Variants in NDUFS4 observed in about 807,000 individuals in gnomAD.
The protein encoded by NDUFS4 is NADH dehydrogenase [ubiquinone] iron-sulfur protein 4, mitochondrial.
Under a neutral mutation model 24.3 loss-of-function variants are expected in NDUFS4, and 28 were observed. That is an observed-to-expected ratio of 1.15 (90% CI 0.85 to 1.58). NDUFS4 has a LOEUF of 1.58. Among genes scored for constraint, NDUFS4 ranks in the 40% most tolerant of loss-of-function variants. The pLI, the probability that NDUFS4 is intolerant of heterozygous loss-of-function variation, is 0.00. For synonymous variants in NDUFS4, 93 were observed against 69.7 expected (o/e 1.34, Z -1.67); for missense variants, 223 against 207.9 (o/e 1.07, Z -0.45).
chr5:53,675,642 C>A (rs1357798043), intron 4 of NDUFS4, among the ~76,000 whole-genome samples: 1 of 152,108 alleles, frequency 6.6e-6, no homozygotes, highest in Non-Finnish European at 1.5e-5. Flanking sequence ...TGATGAAATA[C>A]CAAAGAGCTG....
intron 1 of NDUFS4, among the ~76,000 whole-genome samples, chr5:53,596,347 C>T (rs924648948): frequency 1.5e-4 from 23 of 151,862 alleles, no homozygotes; most frequent in Non-Finnish European, 8.8e-5. Context: ...GTGGGAGGAT[C>T]GCTTGAGCCA....
At chr5:53,664,250 T>G (rs1167435784) in intron 4 of NDUFS4, among the ~76,000 whole-genome samples, 1 of 152,196 alleles carries the variant, frequency 6.6e-6, no homozygotes, top group Non-Finnish European at 1.5e-5. Flanking sequence ...CTTTCTCTCT[T>G]GCTGCCGTTA....
intron 2 of NDUFS4, among the ~76,000 whole-genome samples, chr5:53,606,795 A>G (rs1750526073): frequency 6.6e-6 from 1 of 152,256 alleles, no homozygotes; most frequent in South Asian, 2.1e-4. Context: ...ATTGAGGATT[A>G]CATTTCAACA....
At chr5:53,570,654 C>T (rs1036408701) in intron 1 of NDUFS4, among the ~76,000 whole-genome samples, 10 of 149,220 alleles carry the variant, frequency 6.7e-5, no homozygotes, top group Admixed American at 6.0e-4. Flanking sequence ...GTTTTGCATC[C>T]TTGTTAACAT....
chr5:53,675,568 A>G (rs1418612929), intron 4 of NDUFS4, among the ~76,000 whole-genome samples: 3 of 152,200 alleles, frequency 2.0e-5, no homozygotes, highest in African/African-American at 7.2e-5. Context: ...ATTGATAGAC[A>G]TACAGTCACA....
Position 53,667,322 on chromosome 5 carries a change from G to A in NDUFS4, c.424+8698G>A, listed in dbSNP as rs369136160. 3.8e-4 allele frequency among the ~76,000 whole-genome samples: 58 copies of A among 152,032 alleles called. 2 individuals are homozygous for A. In the South Asian group the frequency reaches 0.012, roughly 31 times the overall value. On this transcript the variant is annotated intron_variant, in intron 4 of 4. Transcript: ENST00000296684. ...CTCTACTAAAAATACAAAATTAGCC[G>A]GGCATGGTGGCACATGCCTGTAATC...
At chr5:53,666,030 T>TA in intron 4 of NDUFS4, among the ~76,000 whole-genome samples, 1 of 152,234 alleles carries the variant, frequency 6.6e-6, no homozygotes, top group Non-Finnish European at 1.5e-5. Flanking sequence ...TGCAATTCCT[T>TA]ACTTATACTT....
chr5:53,573,581 T>C (rs561412585), intron 1 of NDUFS4: 6 of 451,806 alleles, frequency 1.3e-5, no homozygotes, highest in South Asian at 9.4e-5. Context: ...TTTTAAAATT[T>C]TCTTTTCTTT....
chr5:53,631,912 G>A (rs1751422284), intron 2 of NDUFS4, among the ~76,000 whole-genome samples: 2 of 152,310 alleles, frequency 1.3e-5, no homozygotes, highest in South Asian at 4.1e-4. Context: ...GGGCAGAAGT[G>A]TACCATTCCT....
chr5:53,664,966 C>T (rs1752469989), intron 4 of NDUFS4, among the ~76,000 whole-genome samples: 1 of 152,088 alleles, frequency 6.6e-6, no homozygotes, highest in Non-Finnish European at 1.5e-5. Flanking sequence ...GTTTTATCTA[C>T]CTTTGGTCTT....
At chr5:53,608,975 G>C (rs990418982) in intron 2 of NDUFS4, among the ~76,000 whole-genome samples, 1 of 152,158 alleles carries the variant, frequency 6.6e-6, no homozygotes, top group African/African-American at 2.4e-5. Flanking sequence ...CCATAATCTA[G>C]GTGCTCTCTG....
At chr5:53,635,291 G>A (rs965385774) in intron 2 of NDUFS4, among the ~76,000 whole-genome samples, 14 of 151,492 alleles carry the variant, frequency 9.2e-5, no homozygotes, top group Non-Finnish European at 1.5e-4. Flanking sequence ...AGGCTGAGGC[G>A]GGTGGATTGC....
At chr5:53,677,103 C>T (rs1314504521) in intron 4 of NDUFS4, among the ~76,000 whole-genome samples, 1 of 152,098 alleles carries the variant, frequency 6.6e-6, no homozygotes, top group East Asian at 1.9e-4. Flanking sequence ...GGCTGATTTT[C>T]AGATATACTT....
intron 3 of NDUFS4, among the ~76,000 whole-genome samples, chr5:53,654,669 CAAAT>C (rs755805371): frequency 2.0e-5 from 3 of 152,004 alleles, no homozygotes; most frequent in African/African-American, 4.8e-5. Flanking sequence ...AAAAAATAAA[CAAAT>C]AAGCTAAGCT....
intron 2 of NDUFS4, among the ~76,000 whole-genome samples, chr5:53,621,857 A>G (rs1579884832): frequency 1.3e-5 from 2 of 151,596 alleles, no homozygotes; most frequent in East Asian, 1.9e-4. Context: ...GTGCGCCACC[A>G]TGCCCGGCTA....
At chr5:53,636,710 A>T (rs1191969019) in intron 2 of NDUFS4, among the ~76,000 whole-genome samples, 1 of 152,006 alleles carries the variant, frequency 6.6e-6, no homozygotes, top group Non-Finnish European at 1.5e-5. Context: ...GCCTGTTGGG[A>T]GGTAATTGGA....
chr5:53,579,719 A>C (rs1443194281), intron 1 of NDUFS4, among the ~76,000 whole-genome samples: 2 of 152,130 alleles, frequency 1.3e-5, no homozygotes, highest in Non-Finnish European at 2.9e-5. Flanking sequence ...CCATCTCTTT[A>C]AAATAAAAGG....
chr5:53,651,275 A>C (rs956906459), intron 3 of NDUFS4, among the ~76,000 whole-genome samples: 1 of 152,008 alleles, frequency 6.6e-6, no homozygotes, highest in African/African-American at 2.4e-5. Flanking sequence ...TGACACAAAA[A>C]TAGTATGTAA....
intron 1 of NDUFS4, among the ~76,000 whole-genome samples, chr5:53,580,409 G>C (rs1749521022): frequency 6.6e-6 from 1 of 152,186 alleles, no homozygotes; most frequent in Non-Finnish European, 1.5e-5. Flanking sequence ...TCCTTTGGAG[G>C]GGATCTTCCT....
Sources: gnomAD v4.1 joint callset for allele counts (sites outside exome capture counted in the v4.1 genomes callset) on GRCh38, gnomAD v4.1.1 for gene constraint, MANE v1.5 for transcripts, NCBI Gene and HGNC (gene_info 2026-07-23, HGNC 2026-07-21) for gene names.